FHIP1A: variants seen among roughly 807,000 people sequenced by gnomAD.
FHIP1A encodes FHF complex subunit HOOK interacting protein 1A.
FHIP1A carries 61 observed loss-of-function variants against 88.6 expected under a neutral mutation model. The ratio of observed to expected loss-of-function variants is 0.69; its 90% CI spans 0.56 to 0.85. The LOEUF (loss-of-function observed/expected upper bound fraction) is 0.85, where lower values mean the gene tolerates loss of function less well. Ranked by LOEUF, FHIP1A falls within the 40% of genes least tolerant of loss-of-function variation. The pLI, the probability that FHIP1A is intolerant of heterozygous loss-of-function variation, is 0.00. For synonymous variants in FHIP1A, 478 were observed against 496.0 expected (o/e 0.96, Z 0.48); for missense variants, 1,154 against 1,273.5 (o/e 0.91, Z 1.43).
At chr4:151,508,820 A>C (rs765932444) in intron 3 of FHIP1A, among the ~76,000 whole-genome samples, 5 of 152,064 alleles carry the variant, frequency 3.3e-5, no homozygotes, top group Non-Finnish European at 5.9e-5. Context: ...GGAAAAGTCC[A>C]TTTCCCTACC....
intron 3 of FHIP1A, among the ~76,000 whole-genome samples, chr4:151,536,107 T>G (rs1732058253): frequency 6.6e-6 from 1 of 151,976 alleles, no homozygotes; most frequent in African/African-American, 2.4e-5. Flanking sequence ...GAACATGAAC[T>G]TTTTTTTCCC....
intron 7 of FHIP1A, among the ~76,000 whole-genome samples, chr4:151,598,180 A>T (rs1734723003): frequency 6.6e-6 from 1 of 152,122 alleles, no homozygotes; most frequent in African/African-American, 2.4e-5. Flanking sequence ...ACCTGAGGGA[A>T]TCTCCTGGTC....
At chr4:151,508,558 G>A (rs1268808442) in intron 3 of FHIP1A, among the ~76,000 whole-genome samples, 1 of 152,166 alleles carries the variant, frequency 6.6e-6, no homozygotes. Context: ...CGCCCTGTAG[G>A]TGAACAGTAG....
At chr4:151,460,888 T>C (rs1308802547) in intron 2 of FHIP1A, among the ~76,000 whole-genome samples, 1 of 152,196 alleles carries the variant, frequency 6.6e-6, no homozygotes, top group Non-Finnish European at 1.5e-5. Flanking sequence ...CATTTGTGTT[T>C]AGGAAAATGA....
At chr4:151,652,636 G>A (rs897988162) in intron 11 of FHIP1A, among the ~76,000 whole-genome samples, 31 of 152,330 alleles carry the variant, frequency 2.0e-4, no homozygotes, top group African/African-American at 7.2e-4. Flanking sequence ...TGCATGATTA[G>A]TTGTCATATG....
intron 1 of FHIP1A, among the ~76,000 whole-genome samples, chr4:151,432,604 G>C (rs1233992776): frequency 1.3e-5 from 2 of 152,202 alleles, no homozygotes; most frequent in African/African-American, 2.4e-5. Flanking sequence ...CTTGGTCTTT[G>C]CTCTGGAGGA....
chr4:151,597,651 T>C (rs1407216255), intron 7 of FHIP1A, among the ~76,000 whole-genome samples: 1 of 152,184 alleles, frequency 6.6e-6, no homozygotes, highest in East Asian at 1.9e-4. Flanking sequence ...CCCCAGGTGC[T>C]CTTTCCCAGG....
rs190831827 is a variant in FHIP1A at position 151,614,085 on chromosome 4, C to T, written c.979-15617C>T. On this transcript the variant is annotated intron_variant, in intron 7 of 13. Coordinates refer to ENST00000435205, the MANE Select transcript of FHIP1A (RefSeq NM_001109977.3). ...GGATGAGGCACGAGAATCACTTGAA[C>T]GTAGGAGGTGGAGGTTGCCGTGAGC... Among the ~76,000 whole-genome samples, 420 of 151,176 alleles carry T rather than the reference C, an allele frequency of 2.8e-3. 5 individuals are homozygous for T. Among genetic ancestry groups the T allele is most frequent in the Admixed American group, 0.027 (403 of 15,148 alleles).
intron 1 of FHIP1A, among the ~76,000 whole-genome samples, chr4:151,412,874 G>A (rs938967114): frequency 6.6e-6 from 1 of 151,334 alleles, no homozygotes; most frequent in African/African-American, 2.4e-5. Context: ...AGTAGAGATG[G>A]GGTTCCTCCA....
intron 7 of FHIP1A, among the ~76,000 whole-genome samples, chr4:151,629,048 A>AT (rs1736056438): frequency 1.3e-5 from 2 of 152,204 alleles, no homozygotes; most frequent in South Asian, 4.1e-4. Context: ...TTAATTTGTT[A>AT]TAAAAAAGTC....
At chr4:151,479,125 G>A (rs1253378146) in intron 2 of FHIP1A, among the ~76,000 whole-genome samples, 1 of 152,092 alleles carries the variant, frequency 6.6e-6, no homozygotes, top group Non-Finnish European at 1.5e-5. Flanking sequence ...TAGAAGGTTT[G>A]CTGTTGAGAG....
intron 3 of FHIP1A, among the ~76,000 whole-genome samples, chr4:151,504,596 T>C (rs887860818): frequency 7.4e-6 from 1 of 134,390 alleles, no homozygotes; most frequent in Non-Finnish European, 1.6e-5. Flanking sequence ...TGTTATGTTA[T>C]GTTATGTTAT....
intron 7 of FHIP1A, among the ~76,000 whole-genome samples, chr4:151,593,085 T>G (rs1734501196): frequency 6.6e-6 from 1 of 152,204 alleles, no homozygotes; most frequent in Admixed American, 6.5e-5. Flanking sequence ...ATGTGTAGCA[T>G]TATTCCTGAG....
At position 151,586,730 on chromosome 4, in the gene FHIP1A, T is replaced by C. The variant is rs1374723380; in HGVS notation, c.822T>C (p.Asp274=). The change falls in exon 6 of 14, where the codon GAT becomes GAC. Residue 274 remains aspartate, a synonymous_variant. Transcript: ENST00000435205. ...KGEEWHCLLK[D]DWLLLPSLVQ... is the part of the protein sequence containing the mutation. ...AGGAATGGCACTGCCTTCTGAAAGA[T>C]GACTGGCTTCTACTTCCTTCTCTTG... 12 of 1,551,546 alleles carry C rather than the reference T, an allele frequency of 7.7e-6. No individual in the cohort carries two copies. Among genetic ancestry groups the C allele is most frequent in the Non-Finnish European group, 1.0e-5 (12 of 1,146,830 alleles).
chr4:151,511,835 G>T (rs1301310755), intron 3 of FHIP1A, among the ~76,000 whole-genome samples: 1 of 152,266 alleles, frequency 6.6e-6, no homozygotes, highest in African/African-American at 2.4e-5. Flanking sequence ...GCCTGCCTCT[G>T]TAGGCTCCGC....
At chr4:151,508,713 G>A (rs1277853850) in intron 3 of FHIP1A, among the ~76,000 whole-genome samples, 4 of 152,188 alleles carry the variant, frequency 2.6e-5, no homozygotes, top group African/African-American at 9.7e-5. Context: ...ACTTGGACTT[G>A]GAACCCACTG....
chr4:151,629,421 A>G (rs892198326), intron 7 of FHIP1A, among the ~76,000 whole-genome samples: 1 of 152,158 alleles, frequency 6.6e-6, no homozygotes, highest in African/African-American at 2.4e-5. Flanking sequence ...TAAAATCTTT[A>G]TGGTATTTGA....
chr4:151,662,332 G>A (rs1026099013), intron 13 of FHIP1A, among the ~76,000 whole-genome samples, 169 bp from the exon 14 acceptor site: 1 of 152,176 alleles, frequency 6.6e-6, no homozygotes, highest in African/African-American at 2.4e-5. Flanking sequence ...GCAAATATGT[G>A]TGTCATGGAG....
At chr4:151,601,926 G>A (rs1312329654) in intron 7 of FHIP1A, among the ~76,000 whole-genome samples, 1 of 151,914 alleles carries the variant, frequency 6.6e-6, no homozygotes, top group Non-Finnish European at 1.5e-5. Context: ...TGGAAGGCAA[G>A]CAGGAGCAAG....
Sources: gnomAD v4.1 joint callset for allele counts (sites outside exome capture counted in the v4.1 genomes callset) on GRCh38, gnomAD v4.1.1 for gene constraint, MANE v1.5 for transcripts, NCBI Gene and HGNC (gene_info 2026-07-23, HGNC 2026-07-21) for gene names.